The following MACROD2 variants were observed in gnomAD, a reference collection of about 807,000 sequenced individuals.
MACROD2 encodes mono-ADP ribosylhydrolase 2.
MACROD2 carries 36 observed loss-of-function variants against 70.4 expected under a neutral mutation model. The observed-to-expected ratio is 0.51, with a 90% confidence interval of 0.39 to 0.68. The LOEUF is 0.68. Ranked by LOEUF, MACROD2 falls within the 30% of genes least tolerant of loss-of-function variation. MACROD2 has a pLI of 0.00. For synonymous variants in MACROD2, 172 were observed against 178.8 expected, an observed-to-expected ratio of 0.96 and a Z score of 0.30; for missense variants, 496 against 538.4, an observed-to-expected ratio of 0.92 and a Z score of 0.78.
intron 5 of MACROD2, among the ~76,000 whole-genome samples, chr20:15,050,214 A>G (rs2075428129): frequency 6.6e-6 from 1 of 152,156 alleles, no homozygotes. Context: ...ACCTCTTTCC[A>G]TATCAGAAAT....
intron 15 of MACROD2, among the ~76,000 whole-genome samples, chr20:16,022,778 C>T (rs535893414): frequency 2.0e-5 from 3 of 152,132 alleles, no homozygotes; most frequent in Admixed American, 6.5e-5. Flanking sequence ...GTGTGATGTC[C>T]GTTGTTTCCT....
chr20:15,559,679 C>G (rs2048216760), intron 8 of MACROD2, among the ~76,000 whole-genome samples: 3 of 152,310 alleles, frequency 2.0e-5, no homozygotes, highest in African/African-American at 4.8e-5. Context: ...TGAGTAAAAT[C>G]AGTGCATTAA....
chr20:14,404,856 G>C (rs1006513036), intron 3 of MACROD2, among the ~76,000 whole-genome samples: 2 of 151,710 alleles, frequency 1.3e-5, no homozygotes, highest in African/African-American at 4.8e-5. Flanking sequence ...GTATCTATCA[G>C]TAATTACAAT....
At chr20:15,465,699 T>C (rs1568828161) in intron 7 of MACROD2, among the ~76,000 whole-genome samples, 1 of 152,212 alleles carries the variant, frequency 6.6e-6, no homozygotes, top group Admixed American at 6.5e-5. Context: ...GGGGTAGACA[T>C]GTGGCTGGGG....
intron 3 of MACROD2, among the ~76,000 whole-genome samples, chr20:14,248,068 T>C (rs2081982144): frequency 6.6e-6 from 1 of 150,900 alleles, no homozygotes; most frequent in Admixed American, 6.7e-5. Flanking sequence ...CACATTACTT[T>C]TTCACTGTAT....
At chr20:15,326,201 T>C (rs2077926946) in intron 6 of MACROD2, among the ~76,000 whole-genome samples, 1 of 152,146 alleles carries the variant, frequency 6.6e-6, no homozygotes. Flanking sequence ...GGAAATGTCT[T>C]CATAAATACT....
chr20:15,525,455 T>C (rs2047709135), intron 8 of MACROD2, among the ~76,000 whole-genome samples: 1 of 152,076 alleles, frequency 6.6e-6, no homozygotes, highest in Admixed American at 6.5e-5. Flanking sequence ...ACAAGAAAAA[T>C]GGCACATCTC....
intron 8 of MACROD2, among the ~76,000 whole-genome samples, chr20:15,545,172 T>C (rs1017419465): frequency 6.6e-6 from 1 of 152,238 alleles, no homozygotes; most frequent in Non-Finnish European, 1.5e-5. Flanking sequence ...TTTGTTCATC[T>C]TGCAATTCAG....
intron 5 of MACROD2, among the ~76,000 whole-genome samples, chr20:14,705,643 C>G (rs1241430763): frequency 1.3e-5 from 2 of 152,098 alleles, no homozygotes; most frequent in Admixed American, 6.5e-5. Context: ...TTTTCAGAAC[C>G]TTTTGACTAA....
At chr20:15,546,206 T>C (rs1181800291) in intron 8 of MACROD2, among the ~76,000 whole-genome samples, 1 of 152,098 alleles carries the variant, frequency 6.6e-6, no homozygotes, top group Non-Finnish European at 1.5e-5. Context: ...GATTGCACCA[T>C]TGCACTCCAG....
intron 8 of MACROD2, among the ~76,000 whole-genome samples, chr20:15,763,248 C>T (rs1361163435): frequency 6.6e-6 from 1 of 152,156 alleles, no homozygotes; most frequent in African/African-American, 2.4e-5. Context: ...GCTCCTCTGT[C>T]GAGCCCATCC....
At chr20:15,527,718 A>C (rs1053502891) in intron 8 of MACROD2, among the ~76,000 whole-genome samples, 5 of 152,122 alleles carry the variant, frequency 3.3e-5, no homozygotes, top group African/African-American at 1.2e-4. Context: ...AATTTAGTAA[A>C]TATCTCTCCA....
intron 4 of MACROD2, among the ~76,000 whole-genome samples, chr20:14,567,683 T>G (rs2123309861): frequency 6.6e-6 from 1 of 152,210 alleles, no homozygotes; most frequent in Admixed American, 6.5e-5. Flanking sequence ...CTGACAATTT[T>G]TGAAAGCCTG....
intron 5 of MACROD2, among the ~76,000 whole-genome samples, chr20:14,956,777 C>T (rs1190028470): frequency 3.3e-5 from 5 of 152,254 alleles, no homozygotes; most frequent in African/African-American, 1.2e-4. Context: ...AGCGTAACTT[C>T]ACATTTAATT....
intron 5 of MACROD2, among the ~76,000 whole-genome samples, chr20:14,966,147 T>C (rs1310895509): frequency 6.6e-6 from 1 of 152,182 alleles, no homozygotes; most frequent in Non-Finnish European, 1.5e-5. Context: ...CCATAAGCAA[T>C]AAAGCCACTG....
chr20:14,650,810 G>T (rs951190063), intron 4 of MACROD2, among the ~76,000 whole-genome samples: 1 of 152,154 alleles, frequency 6.6e-6, no homozygotes, highest in Non-Finnish European at 1.5e-5. Context: ...TAATATAGTT[G>T]CCAGAAGCAG....
chr20:15,732,577 A>G (rs994385668), intron 8 of MACROD2, among the ~76,000 whole-genome samples: 1 of 152,224 alleles, frequency 6.6e-6, no homozygotes, highest in African/African-American at 2.4e-5. Flanking sequence ...AATGAATTAG[A>G]ATAATTTACT....
At chr20:14,330,622 A>C (rs1363499784) in intron 3 of MACROD2, among the ~76,000 whole-genome samples, 2 of 152,142 alleles carry the variant, frequency 1.3e-5, no homozygotes, top group African/African-American at 2.4e-5. Context: ...AAACAATTAC[A>C]GATACATATA....
At chr20:14,236,165 C>T (rs2081868767) in intron 3 of MACROD2, among the ~76,000 whole-genome samples, 3 of 152,094 alleles carry the variant, frequency 2.0e-5, no homozygotes, top group Admixed American at 2.0e-4. Flanking sequence ...CAAATCCAGA[C>T]TGCTTTGATT....
Sources: gnomAD v4.1 joint callset for allele counts (sites outside exome capture counted in the v4.1 genomes callset) on GRCh38, gnomAD v4.1.1 for gene constraint, MANE v1.5 for transcripts, NCBI Gene and HGNC (gene_info 2026-07-23, HGNC 2026-07-21) for gene names.